Variants in CENPF observed in about 807,000 individuals in gnomAD.
CENPF encodes the protein AH antigen.
CENPF carries 214 observed loss-of-function variants against 307.3 expected under a neutral mutation model. The ratio of observed to expected loss-of-function variants is 0.70; its 90% CI spans 0.62 to 0.78. CENPF has a LOEUF of 0.78. CENPF is among the 30% of genes least tolerant of loss of function. CENPF has a pLI of 0.00. For synonymous variants in CENPF, 1,259 were observed against 1,270.6 expected, an observed-to-expected ratio of 0.99 and a Z score of 0.19; for missense variants, 3,401 against 3,483.9, an observed-to-expected ratio of 0.98 and a Z score of 0.60.
chr1:214,609,832 G>A lies in CENPF; in HGVS notation c.-41-3882G>A, dbSNP rs1225636217. Among the ~76,000 whole-genome samples the A allele has an allele frequency of 3.9e-5, 6 of 152,050 alleles. No individual in the cohort carries two copies. The South Asian group carries it at 6.2e-4, about 16-fold the overall frequency. On this transcript the variant is annotated intron_variant, in intron 1 of 19. Transcript: ENST00000366955. Reference sequence around the variant, plus strand: ...TTGCATTAGTTTGCTAAGGATAATGGCCTCTAATTCCATCCATGTTCCTGC... The same window carrying A: ...TTGCATTAGTTTGCTAAGGATAATGACCTCTAATTCCATCCATGTTCCTGC...
At chr1:214,604,143 G>A (rs1306627290) in intron 1 of CENPF, among the ~76,000 whole-genome samples, 1 of 152,158 alleles carries the variant, frequency 6.6e-6, no homozygotes, top group African/African-American at 2.4e-5. Context: ...AGGAGGTGGG[G>A]AATTCTGACA....
Position 214,610,838 on chromosome 1 carries a change from T to C in CENPF, c.-41-2876T>C, listed in dbSNP as rs146904144. On this transcript the variant is annotated intron_variant, in intron 1 of 19. Coordinates refer to ENST00000366955, the MANE Select transcript of CENPF (RefSeq NM_016343.4). ...TGGGGTTTTACATTTAAGTCTTTAA[T>C]CCATCTTGAATTAATTTTTGTATAT... is the stretch of plus-strand genomic sequence containing the variant. Among the ~76,000 whole-genome samples, 211 of 152,348 alleles carry C rather than the reference T, an allele frequency of 1.4e-3. 2 individuals are homozygous for C. The highest frequency in any genetic ancestry group is 4.9e-3 in the African/African-American group (204 of 41,588).
chr1:214,658,416 T>C (rs1224457559), intron 18 of CENPF, among the ~76,000 whole-genome samples: 2 of 152,164 alleles, frequency 1.3e-5, no homozygotes, highest in Non-Finnish European at 2.9e-5. Flanking sequence ...AAGTAGCTGT[T>C]ACCATTTTAC....
intron 7 of CENPF, among the ~76,000 whole-genome samples, chr1:214,628,216 A>T (rs1473966551): frequency 6.6e-6 from 1 of 152,210 alleles, no homozygotes; most frequent in African/African-American, 2.4e-5. Context: ...GTTGTTTAAA[A>T]TTTTTTAAAT....
chr1:214,609,575 A>T (rs1657146194), intron 1 of CENPF, among the ~76,000 whole-genome samples: 1 of 152,122 alleles, frequency 6.6e-6, no homozygotes, highest in South Asian at 2.1e-4. Context: ...TTATGGCAAA[A>T]TATTATTTTT....
At chr1:214,615,265 T>C (rs1371395292) in intron 3 of CENPF, 1 of 291,678 alleles carries the variant, frequency 3.4e-6, no homozygotes, top group Non-Finnish European at 6.4e-6. Context: ...AAATGTTTGC[T>C]GCATTACTCA....
rs1416743580 is a variant in CENPF at position 214,637,870 on chromosome 1, TGAA to T, written c.1456_1458del (p.Lys486del). ...CAATTAAAATGTGTGTTTTAGGAAA[TGAA>T]GAAGGAAAACAACCTCCTTAAGAGT... On this transcript the variant is annotated inframe_deletion, in exon 11 of 20. Transcript: ENST00000366955. 6 of 1,600,646 alleles carry T rather than the reference TGAA, an allele frequency of 3.7e-6. No individual in the cohort carries two copies. Among genetic ancestry groups the T allele is most frequent in the South Asian group, 1.1e-5 (1 of 87,600 alleles).
At chr1:214,633,534 T>C (rs1034142050) in intron 10 of CENPF, among the ~76,000 whole-genome samples, 27 of 152,368 alleles carry the variant, frequency 1.8e-4, no homozygotes, top group Non-Finnish European at 3.4e-4. Flanking sequence ...TTTTAGGCTG[T>C]AAAGATTAAG....
At chr1:214,634,114 T>C (rs1657885645) in intron 10 of CENPF, among the ~76,000 whole-genome samples, 1 of 152,224 alleles carries the variant, frequency 6.6e-6, no homozygotes, top group Admixed American at 6.5e-5. Context: ...GCTGTAGCGC[T>C]GTCCTCAGTT....
In CENPF at chr1:214,646,832, T is replaced by C; in HGVS notation, c.7262T>C (p.Ile2421Thr). The C allele has an allele frequency of 8.1e-6, 13 of 1,610,766 alleles. No homozygotes were observed. Among genetic ancestry groups the C allele is most frequent in the East Asian group, 2.2e-5 (1 of 44,864 alleles). ...LEIINSSFEN[I>T]LQEKEQEKVQ... ...ATAATAAATTCATCATTTGAAAATA[T>C]TTTGCAAGAAAAAGAGCAAGAGAAA... The change falls in exon 13 of 20, where the codon ATT (isoleucine) becomes ACT (threonine). Residue 2421 changes from isoleucine (I) to threonine (T), a missense_variant. Coordinates refer to ENST00000366955, the MANE Select transcript of CENPF (RefSeq NM_016343.4).
intron 7 of CENPF, among the ~76,000 whole-genome samples, chr1:214,623,745 C>T (rs1657578453): frequency 6.6e-6 from 1 of 152,032 alleles, no homozygotes; most frequent in Non-Finnish European, 1.5e-5. Flanking sequence ...ATCTCCAGAC[C>T]TGGGGCTGGA....
rs1380344844 is a variant in CENPF, at chr1:214,644,837, C to T, written c.5267C>T (p.Ala1756Val). The change falls in exon 13 of 20, where the codon GCT (alanine) becomes GTT (valine). Residue 1756 changes from alanine to valine, a missense_variant. Coordinates refer to ENST00000366955, the MANE Select transcript of CENPF (RefSeq NM_016343.4). ...ISELSFSGPN[A>V]LVPMDFLGNQ... ...GAATTGTCATTTTCTGGTCCTAATG[C>T]TTTGGTACCTATGGATTTCCTGGGG... 2 of 1,614,020 alleles carry T rather than the reference C, an allele frequency of 1.2e-6. No individual in the cohort carries two copies. Among genetic ancestry groups the T allele is most frequent in the Admixed American group, 3.3e-5 (2 of 60,014 alleles).
In CENPF at chr1:214,655,354, G is replaced by A. The variant is rs1227347518; in HGVS notation, c.8436G>A (p.Leu2812=). The part of the protein sequence containing the change: ...CKQLEEEKEI[L]QKELSQLQAA... ...AGCTGGAAGAGGAAAAGGAGATACT[G>A]CAGAAAGAACTCTCTCAACTTCAAG... Residue 2812 remains leucine, a synonymous_variant, in exon 17 of 20, where the codon CTG becomes CTA. Coordinates refer to ENST00000366955, the MANE Select transcript of CENPF (RefSeq NM_016343.4). The A allele has an allele frequency of 1.1e-5, 18 of 1,609,856 alleles. No individual in the cohort carries two copies. Among genetic ancestry groups the A allele is most frequent in the Non-Finnish European group, 1.4e-5 (17 of 1,178,000 alleles).
intron 1 of CENPF, among the ~76,000 whole-genome samples, chr1:214,609,817 T>G (rs1446245444): frequency 2.6e-5 from 4 of 152,182 alleles, no homozygotes; most frequent in Non-Finnish European, 5.9e-5. Flanking sequence ...TTGCATTAGT[T>G]TGCTAAGGAT....
chr1:214,627,620 C>T (rs1657692245), intron 7 of CENPF, among the ~76,000 whole-genome samples: 1 of 151,966 alleles, frequency 6.6e-6, no homozygotes, highest in Non-Finnish European at 1.5e-5. Flanking sequence ...AGGTGATCCG[C>T]CCAACTTGGC....
At chr1:214,635,772 T>A (rs1019003818) in intron 10 of CENPF, among the ~76,000 whole-genome samples, 1 of 152,206 alleles carries the variant, frequency 6.6e-6, no homozygotes, top group African/African-American at 2.4e-5. Flanking sequence ...TGTTAATCTT[T>A]CCATTGAGCT....
intron 7 of CENPF, among the ~76,000 whole-genome samples, chr1:214,627,912 C>T (rs535893038): frequency 1.8e-4 from 28 of 152,228 alleles, no homozygotes; most frequent in South Asian, 8.3e-4. Context: ...AAATCAATAC[C>T]GTGTTCTTAA....
chr1:214,652,507 A>G lies in CENPF; in HGVS notation c.8161-321A>G, dbSNP rs1056207692. On this transcript the variant is annotated intron_variant, in intron 15 of 19. Coordinates refer to ENST00000366955, the MANE Select transcript of CENPF (RefSeq NM_016343.4). The stretch of plus-strand genomic sequence containing the variant: ...CACCCAGGCTAGAGTGCAGTGGCAC[A>G]ATCTTGGCTCACTGCAGCCTCTGCC... Among the ~76,000 whole-genome samples the G allele has an allele frequency of 2.1e-5, 3 of 145,376 alleles. No individual in the cohort carries two copies. The East Asian group carries it at 6.2e-4, about 30-fold the overall frequency.
intron 1 of CENPF, among the ~76,000 whole-genome samples, chr1:214,609,084 C>A (rs868504378): frequency 6.6e-6 from 1 of 151,694 alleles, no homozygotes; most frequent in Non-Finnish European, 1.5e-5. Context: ...AAGCCCACCC[C>A]GGCCCGCGCC....
Sources: gnomAD v4.1 joint callset for allele counts (sites outside exome capture counted in the v4.1 genomes callset) on GRCh38, gnomAD v4.1.1 for gene constraint, MANE v1.5 for transcripts, NCBI Gene and HGNC (gene_info 2026-07-23, HGNC 2026-07-21) for gene names.